Variants in XYLB observed in about 807,000 individuals in gnomAD.
The protein encoded by XYLB is xylulose kinase.
A neutral mutation model predicts 78.7 loss-of-function variants in XYLB; 62 were observed. The observed-to-expected ratio is 0.79, with a 90% CI of 0.64 to 0.97. The LOEUF (loss-of-function observed/expected upper bound fraction) is 0.97, where lower values mean the gene tolerates loss of function less well. XYLB is among the 50% of genes least tolerant of loss of function. The probability of loss-of-function intolerance (pLI) is 0.00; values close to 1 mark genes in which losing one functional copy is unlikely to be tolerated. For synonymous variants in XYLB, 245 were observed against 247.4 expected, an observed-to-expected ratio of 0.99 and a Z score of 0.09; for missense variants, 687 against 676.8, an observed-to-expected ratio of 1.02 and a Z score of -0.17.
chr3:38,446,661 A>G, the XYLB span, among the ~76,000 whole-genome samples: 2 of 152,368 alleles, frequency 1.3e-5, no homozygotes, highest in Non-Finnish European at 2.9e-5. Context: ...AAGAACTTAT[A>G]TTGGGGAATG....
At chr3:38,393,567 C>G (rs866991845) in intron 15 of XYLB, among the ~76,000 whole-genome samples, 26 of 152,292 alleles carry the variant, frequency 1.7e-4, no homozygotes, top group Admixed American at 7.2e-4. Flanking sequence ...AAGAATGTGC[C>G]ACAGAATGGG....
downstream of XYLB, among the ~76,000 whole-genome samples, chr3:38,422,050 C>T (rs796652340): frequency 5.9e-5 from 9 of 152,278 alleles, no homozygotes; most frequent in African/African-American, 2.2e-4. Context: ...GAGTCTTTTC[C>T]TTTTAAAATA....
downstream of XYLB, among the ~76,000 whole-genome samples, chr3:38,423,565 CTG>C (rs1298790012): frequency 1.3e-5 from 2 of 152,210 alleles, no homozygotes; most frequent in African/African-American, 4.8e-5. Flanking sequence ...CTGAGCAAGA[CTG>C]TGAATGGTTT....
At chr3:38,419,347 T>G (rs1708898750), downstream of XYLB, among the ~76,000 whole-genome samples, 1 of 151,970 alleles carries the variant, frequency 6.6e-6, no homozygotes, top group Admixed American at 6.6e-5. Flanking sequence ...CACCTTTTGG[T>G]GATTGTAAAT....
intron 9 of XYLB, among the ~76,000 whole-genome samples, chr3:38,371,777 G>C (rs144897232): frequency 2.2e-4 from 34 of 152,324 alleles, no homozygotes; most frequent in African/African-American, 7.9e-4. Context: ...AGCATCCAAA[G>C]TATGCCATGA....
At chr3:38,357,953 A>G (rs937252500) in intron 2 of XYLB, among the ~76,000 whole-genome samples, 13 of 151,760 alleles carry the variant, frequency 8.6e-5, no homozygotes, top group South Asian at 2.1e-4. Flanking sequence ...CTTGTTAGAT[A>G]TGTGATCTCA....
At chr3:38,396,873 C>T (rs1331726910) in intron 16 of XYLB, among the ~76,000 whole-genome samples, 199 bp from the exon 17 acceptor site, 1 of 152,178 alleles carries the variant, frequency 6.6e-6, no homozygotes, top group Non-Finnish European at 1.5e-5. Flanking sequence ...TGGCTCTCCA[C>T]TACGGACTTC....
chr3:38,376,509 C>T (rs1191982916), intron 13 of XYLB, among the ~76,000 whole-genome samples: 1 of 152,330 alleles, frequency 6.6e-6, no homozygotes, highest in East Asian at 1.9e-4. Context: ...CTGGTGACAG[C>T]ATCAGAGAGG....
rs1312003542 is a variant in XYLB at position 38,391,943 on chromosome 3, C to G, written c.1292-3562C>G. 1.1e-4 allele frequency among the ~76,000 whole-genome samples: 17 copies of G among 152,192 alleles called. 1 individual carries two copies. The highest frequency in any genetic ancestry group is 1.1e-3 in the Admixed American group (17 of 15,286). On this transcript the variant is annotated intron_variant, in intron 15 of 18. Transcript: ENST00000207870. ...TAGAGCTACTTTCCATGTTTGTCTC[C>G]ATGCCTGCTGTGGGAGCTCAGTGTC...
At chr3:38,452,041 G>C in the XYLB span, 1 of 152,088 alleles carries the variant, frequency 6.6e-6, no homozygotes, top group Non-Finnish European at 1.5e-5. Context: ...TGGAGATAAC[G>C]ATTTATACTC....
At chr3:38,410,568 A>T (rs372265235) in intron 18 of XYLB, among the ~76,000 whole-genome samples, 36 of 152,256 alleles carry the variant, frequency 2.4e-4, no homozygotes, top group African/African-American at 8.2e-4. Context: ...TCTGCACAGC[A>T]AACGAAACTA....
chr3:38,376,315 G>C, intron 13 of XYLB, 83 bp downstream of exon 13: 2 of 876,012 alleles, frequency 2.3e-6, no homozygotes, highest in South Asian at 1.3e-5. Context: ...CCATGAGCTG[G>C]GGGAGAGGAG....
intron 18 of XYLB, among the ~76,000 whole-genome samples, chr3:38,407,333 TG>T (rs1165590123): frequency 1.3e-5 from 2 of 151,786 alleles, no homozygotes; most frequent in African/African-American, 2.4e-5. Context: ...AAGCAAATGC[TG>T]AGAGATTTTG....
chr3:38,370,195 T>C (rs1706474348), intron 9 of XYLB, 21 bp downstream of exon 9: 1 of 1,599,044 alleles, frequency 6.3e-7, no homozygotes, highest in Non-Finnish European at 8.6e-7. Context: ...TTTCTGGTGA[T>C]GTGGCTCATT....
chr3:38,401,640 C>T (rs1431876955), intron 18 of XYLB, among the ~76,000 whole-genome samples: 2 of 152,128 alleles, frequency 1.3e-5, no homozygotes, highest in Non-Finnish European at 2.9e-5. Context: ...GGGGCTGGGC[C>T]TTTATACCCC....
At chr3:38,449,879 T>C in the XYLB span, among the ~76,000 whole-genome samples, 3 of 152,262 alleles carry the variant, frequency 2.0e-5, no homozygotes, top group Admixed American at 6.5e-5. Context: ...TCTTGAGAGA[T>C]AGTGTTAGCT....
intron 1 of XYLB, 89 bp downstream of exon 1, chr3:38,347,014 A>G (rs1055119796): frequency 6.9e-5 from 86 of 1,247,874 alleles, no homozygotes; most frequent in Non-Finnish European, 8.4e-5. Flanking sequence ...GCGGGAAAAC[A>G]TGGGCCCGGC....
chr3:38,420,735 T>TC (rs1179742930), downstream of XYLB, among the ~76,000 whole-genome samples: 2 of 151,798 alleles, frequency 1.3e-5, no homozygotes, highest in African/African-American at 2.4e-5. Flanking sequence ...CCTTTTTTTT[T>TC]GGTAGAGATA....
At chr3:38,401,090 T>A in intron 18 of XYLB, 105 bp downstream of exon 18, 2 of 949,820 alleles carry the variant, frequency 2.1e-6, no homozygotes, top group Non-Finnish European at 3.3e-6. Context: ...TGTGCTCAAC[T>A]AAAGGAGAAA....
Sources: gnomAD v4.1 joint callset for allele counts (sites outside exome capture counted in the v4.1 genomes callset) on GRCh38, gnomAD v4.1.1 for gene constraint, MANE v1.5 for transcripts, NCBI Gene and HGNC (gene_info 2026-07-23, HGNC 2026-07-21) for gene names.